Variants in PRSS55 observed in about 807,000 individuals in gnomAD.
PRSS55 encodes the protein serine protease 55, also known as probable serine protease UNQ9391/PRO34284.
PRSS55 carries 41 observed loss-of-function variants against 23.6 expected under a neutral mutation model. The observed-to-expected ratio is 1.74, with a 90% CI of 1.35 to 2.26. The LOEUF is 2.26. Ranked by LOEUF, PRSS55 falls within the 30% of genes most tolerant of loss-of-function variation. PRSS55 has a pLI of 0.00. For synonymous variants in PRSS55, 262 were observed against 175.5 expected (o/e 1.49, Z -3.90); for missense variants, 669 against 439.1 (o/e 1.52, Z -4.68).
At chr8:10,545,979 C>T (rs1477231707) in intron 4 of PRSS55, among the ~76,000 whole-genome samples, 1 of 152,166 alleles carries the variant, frequency 6.6e-6, no homozygotes, top group Admixed American at 6.5e-5. Context: ...AGAGCGCTGT[C>T]CTCAGATTAC....
At chr8:10,549,755 TG>T (rs1812911270) in intron 4 of PRSS55, among the ~76,000 whole-genome samples, 1 of 151,916 alleles carries the variant, frequency 6.6e-6, no homozygotes, top group East Asian at 1.9e-4. Flanking sequence ...CTTGGGACCA[TG>T]AAACAGCACA....
At chr8:10,531,140 T>G (rs890551970) in intron 2 of PRSS55, among the ~76,000 whole-genome samples, 155 bp from the exon 3 acceptor site, 10 of 152,008 alleles carry the variant, frequency 6.6e-5, no homozygotes, top group African/African-American at 2.4e-4. Flanking sequence ...TTTTCCTACC[T>G]TTTTCCAATC....
intron 4 of PRSS55, among the ~76,000 whole-genome samples, chr8:10,547,065 G>A (rs918061045): frequency 6.6e-6 from 1 of 152,194 alleles, no homozygotes; most frequent in African/African-American, 2.4e-5. Context: ...GCAGTGGGCA[G>A]GCTGGAAGAC....
At chr8:10,531,260 CT>C in intron 2 of PRSS55, 34 bp from the exon 3 acceptor site, 1 of 1,609,760 alleles carries the variant, frequency 6.2e-7, no homozygotes, top group African/African-American at 1.3e-5. Flanking sequence ...TTCCCTTCCC[CT>C]TCCACTTGCC....
chr8:10,539,350 T>C (rs911103663), downstream of PRSS55, among the ~76,000 whole-genome samples: 1 of 152,250 alleles, frequency 6.6e-6, no homozygotes, highest in African/African-American at 2.4e-5. Context: ...ACCCTCCAAG[T>C]TGACATATGA....
At chr8:10,549,120 G>C (rs758879773) in intron 4 of PRSS55, among the ~76,000 whole-genome samples, 1 of 152,190 alleles carries the variant, frequency 6.6e-6, no homozygotes, top group Non-Finnish European at 1.5e-5. Context: ...GCTTACCCTG[G>C]TCTAGAGGGG....
At chr8:10,552,798 G>T (rs1012089341) in intron 4 of PRSS55, among the ~76,000 whole-genome samples, 2 of 152,174 alleles carry the variant, frequency 1.3e-5, no homozygotes, top group African/African-American at 4.8e-5. Flanking sequence ...GGAGAAAGGG[G>T]AATGTTTGTA....
downstream of PRSS55, among the ~76,000 whole-genome samples, chr8:10,539,711 C>G (rs1423400475): frequency 6.6e-6 from 1 of 152,172 alleles, no homozygotes; most frequent in Non-Finnish European, 1.5e-5. Context: ...CCCTTGTTCT[C>G]TCTTGCCTGC....
intron 4 of PRSS55, among the ~76,000 whole-genome samples, chr8:10,535,289 G>C (rs1483293792): frequency 2.6e-5 from 4 of 152,166 alleles, no homozygotes; most frequent in African/African-American, 7.2e-5. Flanking sequence ...AACAAAGCTG[G>C]AGGCATCATG....
chr8:10,540,995 GC>G (rs1454800274), downstream of PRSS55: 1 of 152,770 alleles, frequency 6.5e-6, no homozygotes, highest in African/African-American at 2.4e-5. Context: ...GTTCTGGATG[GC>G]TGGCCCTTTG....
At chr8:10,533,548 G>C (rs1454282670) in intron 4 of PRSS55, among the ~76,000 whole-genome samples, 2 of 152,078 alleles carry the variant, frequency 1.3e-5, no homozygotes, top group African/African-American at 4.8e-5. Flanking sequence ...ACCAAAGACT[G>C]GTCTCTTTGC....
At chr8:10,525,826 C>T (rs1335544870) in intron 1 of PRSS55, 87 bp downstream of exon 1, 2 of 1,397,070 alleles carry the variant, frequency 1.4e-6, no homozygotes, top group African/African-American at 2.8e-5. Context: ...AGCACAAGGC[C>T]AGAGCTCCAG....
chr8:10,544,235 G>C (rs991923303), intron 4 of PRSS55, among the ~76,000 whole-genome samples: 2 of 152,088 alleles, frequency 1.3e-5, no homozygotes, highest in African/African-American at 2.4e-5. Context: ...AGTTGTTATA[G>C]CTTTCTGAAT....
chr8:10,550,077 C>G (rs1563551410), intron 4 of PRSS55, among the ~76,000 whole-genome samples: 1 of 152,122 alleles, frequency 6.6e-6, no homozygotes, highest in Admixed American at 6.5e-5. Flanking sequence ...CGCCACCATG[C>G]CCTGCTAATT....
chr8:10,530,286 C>G (rs950836074), intron 2 of PRSS55, among the ~76,000 whole-genome samples: 1 of 152,124 alleles, frequency 6.6e-6, no homozygotes, highest in Non-Finnish European at 1.5e-5. Context: ...ACTGGCCTGG[C>G]CAATATGGTG....
At chr8:10,536,055 G>A (rs1360426417) in intron 4 of PRSS55, among the ~76,000 whole-genome samples, 1 of 152,122 alleles carries the variant, frequency 6.6e-6, no homozygotes, top group South Asian at 2.1e-4. Flanking sequence ...GCGTGGTGGT[G>A]GGTACCTGTA....
intron 4 of PRSS55, among the ~76,000 whole-genome samples, chr8:10,545,691 G>C (rs549209055): frequency 6.6e-6 from 1 of 152,176 alleles, no homozygotes; most frequent in African/African-American, 2.4e-5. Flanking sequence ...TGAAGCTTTC[G>C]GTGTGGCTCG....
At chr8:10,543,139 G>A (rs1442083651), downstream of PRSS55, among the ~76,000 whole-genome samples, 2 of 152,102 alleles carry the variant, frequency 1.3e-5, no homozygotes, top group East Asian at 1.9e-4. Flanking sequence ...GCCTCAGGAT[G>A]TCTTTCAGGA....
At chr8:10,525,768 T>TG in intron 1 of PRSS55, 29 bp downstream of exon 1, 1 of 1,556,856 alleles carries the variant, frequency 6.4e-7, no homozygotes, top group African/African-American at 1.4e-5. Flanking sequence ...GGGGCATGGA[T>TG]GGGGGCTCAT....
Sources: allele counts gnomAD v4.1 joint callset (sites outside exome capture counted in the v4.1 genomes callset), GRCh38; gene constraint gnomAD v4.1.1; transcripts MANE v1.5; gene names NCBI Gene and HGNC (gene_info 2026-07-23, HGNC 2026-07-21).